The following DCC variants were observed in gnomAD, a reference collection of about 807,000 sequenced individuals.
DCC encodes netrin receptor DCC.
In DCC, 58 loss-of-function variants were observed where a neutral mutation model predicts 172.5. That is an observed-to-expected ratio of 0.34 (90% CI 0.27 to 0.42). The LOEUF (loss-of-function observed/expected upper bound fraction) is 0.42. DCC is among the 10% of genes least tolerant of loss of function. The pLI is 1.00. For missense variants in DCC, 1,740 were observed against 1,791.0 expected, an observed-to-expected ratio of 0.97 and a Z score of 0.51; for synonymous variants, 709 against 644.5, an observed-to-expected ratio of 1.10 and a Z score of -1.52.
intron 1 of DCC, among the ~76,000 whole-genome samples, chr18:52,500,343 G>A (rs2030971021): frequency 6.6e-6 from 1 of 152,160 alleles, no homozygotes; most frequent in Non-Finnish European, 1.5e-5. Flanking sequence ...GAGCAGAGCT[G>A]TTGATTAGCA....
At position 52,506,080 on chromosome 18, in the gene DCC, G is replaced by A. The variant is rs569675521; in HGVS notation, c.91+165202G>A. Among the ~76,000 whole-genome samples, 1,149 of 152,184 alleles carry A rather than the reference G, an allele frequency of 7.6e-3. 1 individual carries two copies. Among genetic ancestry groups the A allele is most frequent in the Middle Eastern group, 0.02 (6 of 294 alleles). On this transcript the variant is annotated intron_variant, in intron 1 of 28. Coordinates refer to ENST00000442544, the MANE Select transcript of DCC (RefSeq NM_005215.4). ...AGCATCATCCTTCTATATTACCTAT[G>A]CCATGCCAAATTCCCATAGGAAAAG...
intron 5 of DCC, among the ~76,000 whole-genome samples, chr18:52,942,272 T>C (rs2040475976): frequency 6.6e-6 from 1 of 152,234 alleles, no homozygotes; most frequent in Admixed American, 6.5e-5. Flanking sequence ...TTTTGTTTTC[T>C]GTCTTAATCT....
intron 1 of DCC, among the ~76,000 whole-genome samples, chr18:52,503,662 C>T (rs990257417): frequency 2.6e-5 from 4 of 152,112 alleles, no homozygotes; most frequent in African/African-American, 7.2e-5. Context: ...ATGGTAACAT[C>T]TTCTGAGGTG....
intron 7 of DCC, among the ~76,000 whole-genome samples, chr18:53,077,303 T>C (rs2042737119): frequency 6.6e-6 from 1 of 152,108 alleles, no homozygotes; most frequent in Non-Finnish European, 1.5e-5. Flanking sequence ...AAGGTTCTCT[T>C]TACCACTTTC....
chr18:52,967,848 G>A (rs544690154), intron 5 of DCC, among the ~76,000 whole-genome samples: 2 of 152,214 alleles, frequency 1.3e-5, no homozygotes, highest in South Asian at 4.1e-4. Flanking sequence ...TATAATTGTG[G>A]CACTTTATGC....
intron 7 of DCC, among the ~76,000 whole-genome samples, chr18:53,085,776 C>T (rs2042870482): frequency 6.6e-6 from 1 of 151,524 alleles, no homozygotes; most frequent in African/African-American, 2.4e-5. Flanking sequence ...GAACTTAGAC[C>T]ATACAAAGTT....
In DCC at chr18:52,610,151, TAAAAAAA is replaced by T. The variant is rs1171109968; in HGVS notation, c.92-141881_92-141875del. Among the ~76,000 whole-genome samples, 162 of 18,992 alleles carry T rather than the reference TAAAAAAA, an allele frequency of 8.5e-3. 5 individuals are homozygous for T. The highest frequency in any genetic ancestry group is 8.9e-3 in the Non-Finnish European group (100 of 11,210). 12.5% of individuals were successfully genotyped at this position (18,992 alleles called of 152,430 possible). On this transcript the variant is annotated intron_variant, in intron 1 of 28. Transcript: ENST00000442544. ...CAACATGGCAAAACCCCATCTCTCA[TAAAAAAA>T]AAAAAAAAAAAAAAAAAAAAATATA...
At chr18:52,440,494 A>T (rs1276755483) in intron 1 of DCC, among the ~76,000 whole-genome samples, 1 of 152,152 alleles carries the variant, frequency 6.6e-6, no homozygotes, top group Non-Finnish European at 1.5e-5. Flanking sequence ...GATGACATTT[A>T]ATGGTGCAAC....
chr18:53,431,453 A>G (rs1911605347), intron 21 of DCC, among the ~76,000 whole-genome samples: 1 of 143,858 alleles, frequency 7.0e-6, no homozygotes, highest in Admixed American at 7.0e-5. Context: ...AATTATATTC[A>G]TATAGTACAC....
At chr18:53,022,587 C>A (rs2041897376) in intron 5 of DCC, among the ~76,000 whole-genome samples, 1 of 149,240 alleles carries the variant, frequency 6.7e-6, no homozygotes, top group Admixed American at 6.7e-5. Flanking sequence ...AACGGAACAC[C>A]ATGGGAAAAC....
In DCC at chr18:53,114,938, C is replaced by T. The variant is rs557566722; in HGVS notation, c.1262-42418C>T. Among the ~76,000 whole-genome samples, 3 of 151,642 alleles carry T rather than the reference C, an allele frequency of 2.0e-5. No individual in the cohort carries two copies. In the East Asian group the frequency reaches 5.8e-4, roughly 29 times the overall value. ...ATTATTTTGAACGTTGAAAGCAAGG[C>T]CCACTGCCATCAATGCTAACACATG... is the stretch of plus-strand genomic sequence containing the variant. On this transcript the variant is annotated intron_variant, in intron 7 of 28. Transcript: ENST00000442544.
At chr18:52,956,062 A>AT (rs998725711) in intron 5 of DCC, among the ~76,000 whole-genome samples, 1 of 151,724 alleles carries the variant, frequency 6.6e-6, no homozygotes, top group African/African-American at 2.4e-5. Flanking sequence ...GAGGTTTTTA[A>AT]TTTTAACGAA....
intron 2 of DCC, among the ~76,000 whole-genome samples, chr18:52,875,388 G>A (rs913975294): frequency 2.0e-5 from 3 of 152,094 alleles, no homozygotes; most frequent in African/African-American, 7.2e-5. Context: ...TTTTACCAAA[G>A]AAAAGTTGGT....
At chr18:53,019,606 A>G (rs1247411197) in intron 5 of DCC, among the ~76,000 whole-genome samples, 1 of 152,150 alleles carries the variant, frequency 6.6e-6, no homozygotes, top group African/African-American at 2.4e-5. Flanking sequence ...TTAAATCTAT[A>G]AATGAAAATT....
intron 15 of DCC, among the ~76,000 whole-genome samples, chr18:53,366,020 A>G (rs1392799208): frequency 6.6e-6 from 1 of 152,072 alleles, no homozygotes; most frequent in Non-Finnish European, 1.5e-5. Flanking sequence ...TCCTTATTCT[A>G]CCAGCTATAA....
At chr18:52,384,840 T>C (rs560199448) in intron 1 of DCC, among the ~76,000 whole-genome samples, 5 of 152,270 alleles carry the variant, frequency 3.3e-5, no homozygotes, top group Admixed American at 3.3e-4. Flanking sequence ...TGAAGAGACC[T>C]TTCACAATCC....
chr18:53,351,416 TACAC>T (rs67261469), intron 15 of DCC, among the ~76,000 whole-genome samples: 2 of 14,748 alleles, frequency 1.4e-4, no homozygotes, highest in Non-Finnish European at 2.7e-4. Flanking sequence ...TATATATATA[TACAC>T]ACTGTGTATA....
intron 7 of DCC, among the ~76,000 whole-genome samples, chr18:53,145,804 G>T (rs879716733): frequency 6.6e-6 from 1 of 152,150 alleles, no homozygotes. Context: ...AAAATAGAGA[G>T]ATGGAAGCTA....
chr18:52,674,163 T>A (rs900816200), intron 1 of DCC, among the ~76,000 whole-genome samples: 1 of 152,158 alleles, frequency 6.6e-6, no homozygotes, highest in African/African-American at 2.4e-5. Context: ...GAGAAACTTA[T>A]AGTGAAGATA....
Sources: allele counts gnomAD v4.1 joint callset (sites outside exome capture counted in the v4.1 genomes callset), GRCh38; gene constraint gnomAD v4.1.1; transcripts MANE v1.5; gene names NCBI Gene and HGNC (gene_info 2026-07-23, HGNC 2026-07-21).